KCNH5: variants seen among roughly 807,000 people sequenced by gnomAD.
KCNH5 encodes voltage-gated delayed rectifier potassium channel KCNH5.
A neutral mutation model predicts 96.1 loss-of-function variants in KCNH5; 46 were observed. The ratio of observed to expected loss-of-function variants is 0.48; its 90% CI spans 0.38 to 0.61. The LOEUF (loss-of-function observed/expected upper bound fraction) is 0.61. Ranked by LOEUF, KCNH5 falls within the 20% of genes least tolerant of loss-of-function variation. KCNH5 has a pLI of 0.00. For synonymous variants in KCNH5, 439 were observed against 449.8 expected (o/e 0.98, Z 0.30); for missense variants, 907 against 1,225.8 (o/e 0.74, Z 3.88).
At chr14:62,934,863 A>T (rs1053138940) in intron 7 of KCNH5, among the ~76,000 whole-genome samples, 2 of 152,128 alleles carry the variant, frequency 1.3e-5, no homozygotes, top group Non-Finnish European at 2.9e-5. Context: ...CCCAGAAAAC[A>T]TGGGGGTGGG....
At chr14:62,737,926 G>A (rs1256564123) in intron 10 of KCNH5, among the ~76,000 whole-genome samples, 1 of 152,084 alleles carries the variant, frequency 6.6e-6, no homozygotes, top group Non-Finnish European at 1.5e-5. Context: ...CAAAACTGCA[G>A]ACAGTCTGAA....
intron 10 of KCNH5, among the ~76,000 whole-genome samples, chr14:62,717,860 A>C (rs1256675653): frequency 6.6e-6 from 1 of 152,222 alleles, no homozygotes; most frequent in Non-Finnish European, 1.5e-5. Context: ...CAACTCACAG[A>C]ATTAGAGAAA....
intron 7 of KCNH5, among the ~76,000 whole-genome samples, chr14:62,860,991 GCA>G (rs1172643665): frequency 6.6e-6 from 1 of 152,212 alleles, no homozygotes; most frequent in East Asian, 1.9e-4. Flanking sequence ...TGCTGATGAT[GCA>G]CAGTCACTCA....
chr14:62,999,106 G>A (rs985834610), intron 4 of KCNH5, among the ~76,000 whole-genome samples: 10 of 152,212 alleles, frequency 6.6e-5, no homozygotes, highest in Admixed American at 4.6e-4. Context: ...CGGAGGAATC[G>A]CCACACTGAC....
At chr14:62,939,330 A>C (rs1889743893) in intron 7 of KCNH5, among the ~76,000 whole-genome samples, 2 of 152,176 alleles carry the variant, frequency 1.3e-5, no homozygotes, top group Admixed American at 6.5e-5. Context: ...GGCCAGCTTT[A>C]TGCTGACTGC....
intron 7 of KCNH5, among the ~76,000 whole-genome samples, chr14:62,908,001 A>C (rs1209534235): frequency 6.6e-6 from 1 of 152,164 alleles, no homozygotes; most frequent in Non-Finnish European, 1.5e-5. Flanking sequence ...GGTCTCCTTG[A>C]CTCTCCATTA....
rs373063319 is a variant in KCNH5 at position 62,965,175 on chromosome 14, T to C, written c.943-14616A>G. 3.9e-5 allele frequency among the ~76,000 whole-genome samples: 6 copies of C among 152,248 alleles called. No individual in the cohort carries two copies. In the East Asian group the frequency reaches 9.6e-4, roughly 24 times the overall value. On this transcript the variant is annotated intron_variant, in intron 6 of 10. Coordinates refer to ENST00000322893, the MANE Select transcript of KCNH5 (RefSeq NM_139318.5). ...TTCAGAGAAGAATAAATCCTTCTTA[T>C]GTCGTTGCTGTAGTTTGCATGTGGT...
At chr14:62,848,248 T>C (rs1887736954) in intron 8 of KCNH5, among the ~76,000 whole-genome samples, 1 of 152,210 alleles carries the variant, frequency 6.6e-6, no homozygotes, top group Admixed American at 6.5e-5. Context: ...GACACCCTGC[T>C]TTTGATGACT....
rs1204879150 is a variant in KCNH5 at position 62,955,366 on chromosome 14, G to A, written c.943-4807C>T. 2.6e-5 allele frequency among the ~76,000 whole-genome samples: 4 copies of A among 152,116 alleles called. No homozygotes were observed. In the East Asian group the frequency reaches 7.7e-4, roughly 29 times the overall value. ...ATTGCTACTTGGAAAAGACAGACAA[G>A]GCAATAATAACATTGAGTATTTACT... On this transcript the variant is annotated intron_variant, in intron 6 of 10. Coordinates refer to ENST00000322893, the MANE Select transcript of KCNH5 (RefSeq NM_139318.5).
chr14:62,904,813 T>C (rs898291591), intron 7 of KCNH5, among the ~76,000 whole-genome samples: 5 of 152,206 alleles, frequency 3.3e-5, no homozygotes, highest in Admixed American at 6.5e-5. Context: ...GCCAAATGCA[T>C]ATCCTGCATC....
chr14:63,003,536 A>C (rs1211798200), intron 3 of KCNH5, among the ~76,000 whole-genome samples: 1 of 110,786 alleles, frequency 9.0e-6, no homozygotes, highest in Non-Finnish European at 1.7e-5. Context: ...TATATATATT[A>C]TATATTATAT....
chr14:62,799,200 G>A (rs562857849), intron 9 of KCNH5, among the ~76,000 whole-genome samples: 2 of 152,230 alleles, frequency 1.3e-5, no homozygotes, highest in South Asian at 4.1e-4. Flanking sequence ...CACAAGAGAT[G>A]CAAGGAGACA....
chr14:62,792,963 C>T (rs1886464502), intron 9 of KCNH5, among the ~76,000 whole-genome samples: 1 of 151,630 alleles, frequency 6.6e-6, no homozygotes, highest in South Asian at 2.1e-4. Flanking sequence ...ATTATTCAGC[C>T]TTTGAAAAGA....
intron 10 of KCNH5, among the ~76,000 whole-genome samples, chr14:62,758,143 C>CAAAAAAA (rs57935686): frequency 9.6e-6 from 1 of 104,132 alleles, no homozygotes. Context: ...GACTCCATCT[C>CAAAAAAA]AAAAAAAAAA....
intron 7 of KCNH5, among the ~76,000 whole-genome samples, chr14:62,935,300 A>G (rs1426609627): frequency 2.0e-5 from 3 of 152,212 alleles, no homozygotes; most frequent in African/African-American, 7.2e-5. Flanking sequence ...AGCACCTGCT[A>G]CACTCCTGTT....
Position 62,987,099 on chromosome 14 carries a change from C to T in KCNH5, c.522G>A (p.Val174=), listed in dbSNP as rs781693873. 3.1e-6 allele frequency: 5 copies of T among 1,613,156 alleles called. No homozygotes were observed. The highest frequency in any genetic ancestry group is 4.2e-6 in the Non-Finnish European group (5 of 1,179,328). The change falls in exon 5 of 11, where the codon GTG becomes GTA. Residue 174 remains valine (V), a synonymous_variant. Coordinates refer to ENST00000322893, the MANE Select transcript of KCNH5 (RefSeq NM_139318.5). ...CAGCTAGTCTTGAATGTTTATGGAC[C>T]ACCTCTGTTTTATTCATTGGCGTGA... ...QQLTPMNKTE[V]VHKHSRLAEV...
intron 6 of KCNH5, among the ~76,000 whole-genome samples, chr14:62,961,890 A>G (rs1476160795): frequency 6.6e-6 from 1 of 151,478 alleles, no homozygotes; most frequent in Non-Finnish European, 1.5e-5. Context: ...AAGGAGATGG[A>G]GATGGAGATG....
At chr14:62,823,966 T>C (rs962258718) in intron 8 of KCNH5, among the ~76,000 whole-genome samples, 1 of 151,926 alleles carries the variant, frequency 6.6e-6, no homozygotes, top group African/African-American at 2.4e-5. Context: ...CGAATCTTTC[T>C]ATGCAGAGCA....
chr14:62,982,790 T>C (rs372162190), intron 5 of KCNH5, among the ~76,000 whole-genome samples: 3 of 152,310 alleles, frequency 2.0e-5, no homozygotes, highest in Admixed American at 2.0e-4. Context: ...TATGTTAGAA[T>C]TGTTATTTTT....
Sources: allele counts gnomAD v4.1 joint callset (sites outside exome capture counted in the v4.1 genomes callset), GRCh38; gene constraint gnomAD v4.1.1; transcripts MANE v1.5; gene names NCBI Gene and HGNC (gene_info 2026-07-23, HGNC 2026-07-21).